The following POU3F4 variants were observed in gnomAD, a reference collection of about 807,000 sequenced individuals.
The protein encoded by POU3F4 is POU class 3 homeobox 4.
In POU3F4, 2 loss-of-function variants were observed where a neutral mutation model predicts 15.2. That is an observed-to-expected ratio of 0.13 (90% confidence interval 0.05 to 0.42). The LOEUF (loss-of-function observed/expected upper bound fraction) is 0.42. Ranked by LOEUF, POU3F4 falls within the 10% of genes least tolerant of loss-of-function variation. The pLI is 0.99. For synonymous variants in POU3F4, 158 were observed against 133.3 expected (o/e 1.19, Z -1.28); for missense variants, 220 against 297.0 (o/e 0.74, Z 1.91).
rs1198310297 is a variant in POU3F4, at chrX:83,510,218, G to A, written c.*808G>A. 9.1e-6 allele frequency: 1 copy of A among 110,126 alleles called. No homozygotes were observed. The highest frequency in any genetic ancestry group is 2.8e-4 in the East Asian group (1 of 3,518). 9.1% of individuals were successfully genotyped at this position (110,126 alleles called of 1,213,427 possible). Reference sequence around the variant, plus strand: ...ATTATTACTACTTCGTTGAGCTGATGGCTTTTTAATTGCTTAGAAAAGGGA... The same window carrying A: ...ATTATTACTACTTCGTTGAGCTGATAGCTTTTTAATTGCTTAGAAAAGGGA... On this transcript the variant is annotated 3_prime_UTR_variant, in exon 1 of 1. Coordinates refer to ENST00000644024, the MANE Select transcript of POU3F4 (RefSeq NM_000307.5).
In POU3F4 at chrX:83,508,773, T is replaced by G; in HGVS notation, c.449T>G (p.Leu150Arg). Residue 150 changes from leucine (L) to arginine (R), a missense_variant, in exon 1 of 1, where the codon CTC (leucine) becomes CGC (arginine). Leu to Arg is a moderately radical substitution (Grantham distance 102, BLOSUM62 -2). Transcript: ENST00000644024. ...TVSGMLEHGG[L>R]TPPPAAASAQ... ...AGCGGCATGCTGGAACACGGGGGACTCACCCCACCTCCAGCTGCCGCCTCT... is the reference window on the plus strand; with the variant it reads ...AGCGGCATGCTGGAACACGGGGGACGCACCCCACCTCCAGCTGCCGCCTCT... 8.3e-7 allele frequency: 1 copy of G among 1,204,544 alleles called. No individual in the cohort carries two copies. Among genetic ancestry groups the G allele is most frequent in the Non-Finnish European group, 1.1e-6 (1 of 891,849 alleles).
In POU3F4 at chrX:83,509,453, C is replaced by T. The variant is rs771993476; in HGVS notation, c.*43C>T. The T allele has an allele frequency of 8.5e-7, 1 of 1,174,722 alleles. No homozygotes were observed. Among genetic ancestry groups the T allele is most frequent in the Non-Finnish European group, 1.1e-6 (1 of 875,282 alleles). On this transcript the variant is annotated 3_prime_UTR_variant, in exon 1 of 1. Coordinates refer to ENST00000644024, the MANE Select transcript of POU3F4 (RefSeq NM_000307.5). ...GCGGCCGGCCGCACTGGGAGCAGCG[C>T]GGATTTCTCTTTCTCTCTCACTCTC...
Position 83,509,804 on chromosome X carries a change from A to C in POU3F4, c.*394A>C, listed in dbSNP as rs371674444. 1.1e-4 allele frequency: 21 copies of C among 195,725 alleles called. No individual in the cohort carries two copies. The highest frequency in any genetic ancestry group is 8.8e-5 in the Non-Finnish European group (9 of 101,796). 16.1% of individuals were successfully genotyped at this position (195,725 alleles called of 1,213,427 possible). A position where few individuals can be genotyped will look rare whatever the true frequency, so the allele number is the denominator to read the frequency against. ...CTTCTCAATGCTGATACACAGTTACATTAAGCAGTCCAAGCTGGGATCTCA... is the reference window on the plus strand; with the variant it reads ...CTTCTCAATGCTGATACACAGTTACCTTAAGCAGTCCAAGCTGGGATCTCA... On this transcript the variant is annotated 3_prime_UTR_variant, in exon 1 of 1. Transcript: ENST00000644024.
rs1200330075 is a variant in POU3F4, at chrX:83,509,893, A to G, written c.*483A>G. On this transcript the variant is annotated 3_prime_UTR_variant, in exon 1 of 1. Coordinates refer to ENST00000644024, the MANE Select transcript of POU3F4 (RefSeq NM_000307.5). ...TTCTGCTGATCAATACATATTGTTT[A>G]CTCAGAGTAAGGTTTGTTTGGTCGC... The G allele has an allele frequency of 9.3e-6, 1 of 107,308 alleles. No homozygotes were observed. The highest frequency in any genetic ancestry group is 3.4e-4 in the East Asian group (1 of 2,979). 8.8% of individuals were successfully genotyped at this position (107,308 alleles called of 1,213,427 possible). A position where few individuals can be genotyped will look rare whatever the true frequency, so the allele number is the denominator to read the frequency against.
chrX:83,509,865 C>A lies in POU3F4; in HGVS notation c.*455C>A, dbSNP rs973180534. On this transcript the variant is annotated 3_prime_UTR_variant, in exon 1 of 1. Coordinates refer to ENST00000644024, the MANE Select transcript of POU3F4 (RefSeq NM_000307.5). Reference sequence around the variant, plus strand: ...TCCCCGGGCAACAGTTCCCTTTAGCCTTTTCTGCTGATCAATACATATTGT... The same window carrying A: ...TCCCCGGGCAACAGTTCCCTTTAGCATTTTCTGCTGATCAATACATATTGT... 1 of 130,957 alleles carries A rather than the reference C, an allele frequency of 7.6e-6. No individual in the cohort carries two copies. Among genetic ancestry groups the A allele is most frequent in the African/African-American group, 3.9e-5 (1 of 25,349 alleles). The allele number at this position is 130,957 out of a possible 1,213,427, so 10.8% of individuals were successfully genotyped here. A position where few individuals can be genotyped will look rare whatever the true frequency, so the allele number is the denominator to read the frequency against.
In POU3F4 at chrX:83,509,767, C is replaced by T. The variant is rs1925871107; in HGVS notation, c.*357C>T. ...TCTGTTGACAAAGGAAACACATACT[C>T]TCTCATTCAGGCTTCTCAATGCTGA... is the stretch of plus-strand genomic sequence containing the variant. On this transcript the variant is annotated 3_prime_UTR_variant, in exon 1 of 1. Transcript: ENST00000644024. 3.9e-6 allele frequency: 1 copy of T among 254,903 alleles called. No homozygotes were observed. Among genetic ancestry groups the T allele is most frequent in the Non-Finnish European group, 7.3e-6 (1 of 137,247 alleles). 21.0% of individuals were successfully genotyped at this position (254,903 alleles called of 1,213,427 possible).
At position 83,509,569 on chromosome X, in the gene POU3F4, T is replaced by C; in HGVS notation, c.*159T>C. The C allele has an allele frequency of 1.3e-6, 1 of 759,803 alleles. No homozygotes were observed. Among genetic ancestry groups the C allele is most frequent in the Admixed American group, 3.8e-5 (1 of 26,659 alleles). The allele number at this position is 759,803 out of a possible 1,213,427, so 62.6% of individuals were successfully genotyped here. A position where few individuals can be genotyped will look rare whatever the true frequency, so the allele number is the denominator to read the frequency against. The stretch of plus-strand genomic sequence containing the variant: ...TCTCTCTTTTCCCTCCTTTCCTTTT[T>C]CTTTCCTTTCCCCTTTTTCTTTCCC... On this transcript the variant is annotated 3_prime_UTR_variant, in exon 1 of 1. Coordinates refer to ENST00000644024, the MANE Select transcript of POU3F4 (RefSeq NM_000307.5).
Position 83,508,445 on chromosome X carries a change from G to C in POU3F4, c.121G>C (p.Asp41His), listed in dbSNP as rs1426910496. 1 of 1,209,719 alleles carries C rather than the reference G, an allele frequency of 8.3e-7. No individual in the cohort carries two copies. Among genetic ancestry groups the C allele is most frequent in the African/African-American group, 1.7e-5 (1 of 57,365 alleles). The change falls in exon 1 of 1, where the codon GAT becomes CAT. Residue 41 changes from aspartate to histidine, a missense_variant. Coordinates refer to ENST00000644024, the MANE Select transcript of POU3F4 (RefSeq NM_000307.5). ...FRNPQKLLQS[D>H]YLQGVPSNGH... ...CAACCCTCAGAAACTTCTCCAAAGT[G>C]ATTACTTGCAGGGAGTTCCCAGCAA...
At position 83,508,707 on chromosome X, in the gene POU3F4, G is replaced by T; in HGVS notation, c.383G>T (p.Gly128Val). The T allele has an allele frequency of 8.3e-7, 1 of 1,211,124 alleles. No homozygotes were observed. The highest frequency in any genetic ancestry group is 1.8e-5 in the South Asian group (1 of 56,774). ...PAPNPSITSSGQPLNVYSQPG... is the reference protein window; with the variant it reads ...PAPNPSITSSVQPLNVYSQPG... Reference sequence around the variant, plus strand: ...CCGAACCCGTCTATCACGTCAAGCGGCCAACCCCTCAACGTGTACTCGCAG... The same window carrying T: ...CCGAACCCGTCTATCACGTCAAGCGTCCAACCCCTCAACGTGTACTCGCAG... Residue 128 changes from glycine (G) to valine (V), a missense_variant, in exon 1 of 1, where the codon GGC (glycine) becomes GTC (valine). Physicochemically the swap from Gly to Val is moderately radical, Grantham distance 109. Around this residue, in one of 5 missense-constraint regions of POU3F4, gnomAD observed 161 missense variants for 154.1 expected, o/e 1.05. Transcript: ENST00000644024.
rs2147996819 is a variant in POU3F4 at position 83,509,198 on chromosome X, G to A, written c.874G>A (p.Val292Ile). Residue 292 changes from valine (V) to isoleucine (I), a missense_variant, in exon 1 of 1, where the codon GTA becomes ATA. Transcript: ENST00000644024. ...CTCCATCGAGGTGAGTGTCAAGGGC[G>A]TACTGGAGACGCATTTCCTCAAGTG... The part of the protein sequence containing the change: ...RTSIEVSVKG[V>I]LETHFLKCPK... The A allele has an allele frequency of 1.7e-6, 2 of 1,211,710 alleles. No homozygotes were observed. The highest frequency in any genetic ancestry group is 2.2e-6 in the Non-Finnish European group (2 of 895,343).
rs1925897626 is a variant in POU3F4, at chrX:83,510,898, C to G, written c.*1488C>G. ...ATGATTGGCAAAGGTCACAGGGATT[C>G]TGGTCCATCCGCGTACCACCTCTCC... On this transcript the variant is annotated 3_prime_UTR_variant, in exon 1 of 1. Transcript: ENST00000644024. The G allele has an allele frequency of 9.1e-6, 1 of 109,340 alleles. No homozygotes were observed. Among genetic ancestry groups the G allele is most frequent in the Non-Finnish European group, 1.9e-5 (1 of 52,551 alleles). 9.0% of individuals were successfully genotyped at this position (109,340 alleles called of 1,213,427 possible).
chrX:83,509,238 C>T lies in POU3F4; in HGVS notation c.914C>T (p.Ala305Val), dbSNP rs1354177998. 41 of 1,211,655 alleles carry T rather than the reference C, an allele frequency of 3.4e-5. No individual in the cohort carries two copies. The highest frequency in any genetic ancestry group is 4.2e-5 in the Non-Finnish European group (38 of 895,407). Residue 305 changes from alanine to valine, a missense_variant, in exon 1 of 1, where the codon GCG becomes GTG. By Grantham distance (64) the Ala-to-Val change is moderately conservative. Coordinates refer to ENST00000644024, the MANE Select transcript of POU3F4 (RefSeq NM_000307.5). ...TTCCTCAAGTGTCCCAAGCCTGCCG[C>T]GCAGGAGATCTCCTCGCTGGCAGAC... is the stretch of plus-strand genomic sequence containing the variant. ...THFLKCPKPA[A>V]QEISSLADSL...
chrX:83,510,311 T>A lies in POU3F4; in HGVS notation c.*901T>A, dbSNP rs1925885664. 1.1e-5 allele frequency: 1 copy of A among 92,068 alleles called. No individual in the cohort carries two copies. Among genetic ancestry groups the A allele is most frequent in the East Asian group, 3.8e-4 (1 of 2,599 alleles). 7.6% of individuals were successfully genotyped at this position (92,068 alleles called of 1,213,427 possible). A position where few individuals can be genotyped will look rare whatever the true frequency, so the allele number is the denominator to read the frequency against. ...TCACCGCCCCCCCCCTTCCCAAATC[T>A]CTATGAGGAGGAGAGGATACAACGA... On this transcript the variant is annotated 3_prime_UTR_variant, in exon 1 of 1. Transcript: ENST00000644024.
Position 83,508,666 on chromosome X carries a change from G to C in POU3F4, c.342G>C (p.Trp114Cys). The change falls in exon 1 of 1, where the codon TGG (tryptophan) becomes TGC (cysteine). Residue 114 changes from tryptophan to cysteine, a missense_variant. Coordinates refer to ENST00000644024, the MANE Select transcript of POU3F4 (RefSeq NM_000307.5). ...HSPHTNHPNA[W>C]GASPAPNPSI... is the part of the protein sequence containing the mutation. ...CGCACACTAACCACCCCAACGCCTGGGGGGCCAGCCCGGCACCGAACCCGT... is the reference window on the plus strand; with the variant it reads ...CGCACACTAACCACCCCAACGCCTGCGGGGCCAGCCCGGCACCGAACCCGT... The C allele has an allele frequency of 8.3e-7, 1 of 1,211,892 alleles. No individual in the cohort carries two copies. Among genetic ancestry groups the C allele is most frequent in the Non-Finnish European group, 1.1e-6 (1 of 895,519 alleles).
rs1352971552 is a variant in POU3F4, at chrX:83,510,788, C to G, written c.*1378C>G. On this transcript the variant is annotated 3_prime_UTR_variant, in exon 1 of 1. Transcript: ENST00000644024. ...ATTTCGGTTCACCTCCAGTTCACCG[C>G]CCCCTCTGAGTAAGAAACCCTTGGG... 1 of 111,842 alleles carries G rather than the reference C, an allele frequency of 8.9e-6. No individual in the cohort carries two copies. Among genetic ancestry groups the G allele is most frequent in the Non-Finnish European group, 1.9e-5 (1 of 53,141 alleles). The allele number at this position is 111,842 out of a possible 1,213,427, so 9.2% of individuals were successfully genotyped here.
chrX:83,509,921 C>A lies in POU3F4; in HGVS notation c.*511C>A, dbSNP rs1265574613. The A allele has an allele frequency of 1.0e-5, 1 of 100,420 alleles. No homozygotes were observed. The highest frequency in any genetic ancestry group is 2.0e-5 in the Non-Finnish European group (1 of 49,289). The allele number at this position is 100,420 out of a possible 1,213,427, so 8.3% of individuals were successfully genotyped here. ...CAGAGTAAGGTTTGTTTGGTCGCTCCTCTCTAGGAAGAACAAGGAGTGGGA... is the reference window on the plus strand; with the variant it reads ...CAGAGTAAGGTTTGTTTGGTCGCTCATCTCTAGGAAGAACAAGGAGTGGGA... On this transcript the variant is annotated 3_prime_UTR_variant, in exon 1 of 1. Transcript: ENST00000644024.
rs1163443982 is a variant in POU3F4, at chrX:83,508,609, T to C, written c.285T>C (p.His95=). 5 of 1,208,794 alleles carry C rather than the reference T, an allele frequency of 4.1e-6. No homozygotes were observed. The highest frequency in any genetic ancestry group is 5.6e-6 in the Non-Finnish European group (5 of 894,582). Reference sequence around the variant, plus strand: ...ACCTGCAACTGGGTGCGATCATCCATCACCGCTCGCCACACGTAGCCCACC... The same window carrying C: ...ACCTGCAACTGGGTGCGATCATCCACCACCGCTCGCCACACGTAGCCCACC... ...REDLQLGAII[H]HRSPHVAHHS... Residue 95 remains histidine (H), a synonymous_variant, in exon 1 of 1, where the codon CAT becomes CAC. Coordinates refer to ENST00000644024, the MANE Select transcript of POU3F4 (RefSeq NM_000307.5).
In POU3F4 at chrX:83,509,273, T is replaced by C. The variant is rs761189442; in HGVS notation, c.949T>C (p.Leu317=). ...CTCCTCGCTGGCAGACAGCCTCCAG[T>C]TGGAGAAGGAAGTGGTGCGTGTCTG... ...EISSLADSLQ[L]EKEVVRVWFC... The change falls in exon 1 of 1, where the codon TTG becomes CTG. Residue 317 remains leucine, a synonymous_variant. Transcript: ENST00000644024. 35 of 1,210,380 alleles carry C rather than the reference T, an allele frequency of 2.9e-5. No homozygotes were observed. The South Asian group carries it at 6.0e-4, about 21-fold the overall frequency.
chrX:83,509,210 C>A lies in POU3F4; in HGVS notation c.886C>A (p.His296Asn). The change falls in exon 1 of 1, where the codon CAT becomes AAT. Residue 296 changes from histidine (H) to asparagine (N), a missense_variant. Around this residue, in one of 5 missense-constraint regions of POU3F4, gnomAD observed 25 missense variants for 36.7 expected, o/e 0.68. Transcript: ENST00000644024. The part of the protein sequence containing the change: ...EVSVKGVLET[H>N]FLKCPKPAAQ... The stretch of plus-strand genomic sequence containing the variant: ...GAGTGTCAAGGGCGTACTGGAGACG[C>A]ATTTCCTCAAGTGTCCCAAGCCTGC... 8.3e-7 allele frequency: 1 copy of A among 1,211,821 alleles called. No homozygotes were observed. Among genetic ancestry groups the A allele is most frequent in the Non-Finnish European group, 1.1e-6 (1 of 895,397 alleles).
Sources: gnomAD v4.1 joint callset for allele counts on GRCh38, gnomAD v4.1.1 for gene constraint, gnomAD v4.1.1 regional missense constraint, MANE v1.5 for transcripts, NCBI Gene and HGNC (gene_info 2026-07-23, HGNC 2026-07-21) for gene names.